COA1: variants seen among roughly 807,000 people sequenced by gnomAD.
The protein encoded by COA1 is cytochrome c oxidase assembly factor 1, also known as cytochrome c oxidase assembly factor 1 homolog.
A neutral mutation model predicts 16.0 loss-of-function variants in COA1; 13 were observed. That is an observed-to-expected ratio of 0.81 (90% CI 0.53 to 1.29). The LOEUF (loss-of-function observed/expected upper bound fraction) is 1.29, where lower values mean the gene tolerates loss of function less well. Ranked by LOEUF, COA1 falls within the 50% of genes most tolerant of loss-of-function variation. COA1 has a pLI of 0.00. For missense variants in COA1, 179 were observed against 177.0 expected (o/e 1.01, Z -0.06); for synonymous variants, 65 against 65.7 (o/e 0.99, Z 0.05).
At chr7:43,706,308 C>A (rs1283323617) in intron 1 of COA1, among the ~76,000 whole-genome samples, 1 of 151,536 alleles carries the variant, frequency 6.6e-6, no homozygotes, top group Non-Finnish European at 1.5e-5. Context: ...GAGGCTGAGG[C>A]AGGCAGATCA....
At chr7:43,646,574 G>A in intron 3 of COA1, 1 of 456,732 alleles carries the variant, frequency 2.2e-6, no homozygotes. Context: ...CACCGACTTA[G>A]CAGCCTCCTA....
At chr7:43,711,014 T>G (rs971474060) in intron 1 of COA1, among the ~76,000 whole-genome samples, 30 of 109,680 alleles carry the variant, frequency 2.7e-4, no homozygotes, top group Admixed American at 1.0e-3. Flanking sequence ...TGTTGATGGT[T>G]TTTTTTTTTC....
chr7:43,707,864 A>G (rs1043895573), intron 1 of COA1, among the ~76,000 whole-genome samples: 2 of 152,210 alleles, frequency 1.3e-5, no homozygotes, highest in East Asian at 3.8e-4. Flanking sequence ...CATGCCCACC[A>G]TTTCTGTGGA....
intron 1 of COA1, among the ~76,000 whole-genome samples, chr7:43,697,615 A>G (rs2094572748): frequency 6.6e-6 from 1 of 152,216 alleles, no homozygotes. Context: ...TTCTTTCCAA[A>G]CTTCATAAAT....
At chr7:43,677,702 G>T (rs2093595620) in intron 1 of COA1, among the ~76,000 whole-genome samples, 2 of 151,116 alleles carry the variant, frequency 1.3e-5, no homozygotes, top group South Asian at 4.2e-4. Context: ...AGGAGGCTGA[G>T]GCAAGAGAAT....
chr7:43,627,967 G>C (rs2084755525), intron 6 of COA1, among the ~76,000 whole-genome samples: 1 of 151,978 alleles, frequency 6.6e-6, no homozygotes, highest in African/African-American at 2.4e-5. Flanking sequence ...TCAGCAGTTT[G>C]TTGCTTTTTC....
chr7:43,659,347 G>A (rs2092187537), intron 1 of COA1, among the ~76,000 whole-genome samples: 1 of 152,222 alleles, frequency 6.6e-6, no homozygotes, highest in African/African-American at 2.4e-5. Context: ...TAATGATAAA[G>A]AGTCTTGATG....
intron 1 of COA1, among the ~76,000 whole-genome samples, chr7:43,673,337 T>C (rs972969930): frequency 6.6e-6 from 1 of 152,096 alleles, no homozygotes; most frequent in African/African-American, 2.4e-5. Context: ...GCAAAGGACA[T>C]GAACAGACAC....
intron 1 of COA1, among the ~76,000 whole-genome samples, chr7:43,662,466 G>A (rs868753412): frequency 4.6e-5 from 7 of 152,232 alleles, no homozygotes; most frequent in Admixed American, 2.0e-4. Context: ...TCCTGACCTC[G>A]TGATCCATCC....
At position 43,616,724 on chromosome 7, in the gene COA1, C is replaced by T. The variant is rs1352611083; in HGVS notation, c.*134-7229G>A. On this transcript the variant is annotated intron_variant and NMD_transcript_variant, in intron 6 of 6. Coordinates refer to the COA1 transcript ENST00000415076. Reference sequence around the variant, plus strand: ...CATCCTGGCTAACACGGTGAAACCCCGTCTCTACTAAAAATACAAAAAATT... The same window carrying T: ...CATCCTGGCTAACACGGTGAAACCCTGTCTCTACTAAAAATACAAAAAATT... Among the ~76,000 whole-genome samples the T allele has an allele frequency of 6.6e-5, 10 of 152,160 alleles. 1 individual carries two copies. Among genetic ancestry groups the T allele is most frequent in the Middle Eastern group, 3.4e-3 (1 of 294 alleles).
chr7:43,648,723 A>C, intron 1 of COA1, 71 bp from the exon 2 acceptor site: 1 of 1,062,568 alleles, frequency 9.4e-7, no homozygotes, highest in Non-Finnish European at 1.4e-6. Context: ...TCATACAGCC[A>C]AGATTTATTA....
Position 43,644,758 on chromosome 7 carries a change from A to AGG in COA1, c.264+492_264+493insCC, listed in dbSNP as rs2088492650. Among the ~76,000 whole-genome samples, 3 of 109,258 alleles carry AGG rather than the reference A, an allele frequency of 2.7e-5. No homozygotes were observed. The Admixed American group carries it at 3.0e-4, about 11-fold the overall frequency. 71.7% of individuals were successfully genotyped at this position (109,258 alleles called of 152,430 possible). ...GATAGATAGATAGATAGATAGATAG[A>AGG]TAGGCAGGCAGGCAGGCAGGCAGGC... On this transcript the variant is annotated intron_variant, in intron 4 of 5. Coordinates refer to ENST00000223336, the MANE Select transcript of COA1 (RefSeq NM_018224.4).
chr7:43,628,609 A>T (rs906126971), intron 6 of COA1, among the ~76,000 whole-genome samples: 1 of 152,166 alleles, frequency 6.6e-6, no homozygotes, highest in African/African-American at 2.4e-5. Flanking sequence ...CCTTGCCGAC[A>T]ATTGGTATTG....
At chr7:43,634,407 G>A (rs557845793), downstream of COA1, among the ~76,000 whole-genome samples, 1 of 152,348 alleles carries the variant, frequency 6.6e-6, no homozygotes, top group Admixed American at 6.5e-5. Flanking sequence ...TTTGAATACA[G>A]GCAGGGGGAG....
At chr7:43,637,003 T>C (rs1460119215), downstream of COA1, among the ~76,000 whole-genome samples, 1 of 152,236 alleles carries the variant, frequency 6.6e-6, no homozygotes, top group Non-Finnish European at 1.5e-5. Flanking sequence ...CTGTCCAAAC[T>C]GGGCTTCTGA....
At chr7:43,633,042 C>T (rs750023738) in intron 6 of COA1, 2 of 152,146 alleles carry the variant, frequency 1.3e-5, no homozygotes, top group Non-Finnish European at 2.9e-5. Flanking sequence ...CTGCACTAGC[C>T]CCTGACAAGA....
intron 6 of COA1, chr7:43,623,678 A>T (rs1252139848): frequency 5.6e-6 from 9 of 1,602,618 alleles, no homozygotes; most frequent in Non-Finnish European, 7.7e-6. Context: ...GTATGGTACT[A>T]AATTTTTCTT....
intron 1 of COA1, among the ~76,000 whole-genome samples, chr7:43,697,132 C>CA (rs1356597716): frequency 2.0e-5 from 3 of 150,150 alleles, no homozygotes; most frequent in Admixed American, 2.0e-4. Context: ...AAACAAAAAA[C>CA]AAAAAACAAA....
At chr7:43,691,260 G>GAAAGAAAAGA (rs774114457) in intron 1 of COA1, among the ~76,000 whole-genome samples, 17 of 33,370 alleles carry the variant, frequency 5.1e-4, no homozygotes, top group African/African-American at 1.7e-3. Context: ...AAAAAAGAAA[G>GAAAGAAAAGA]AAAGAAAAGA....
Sources: gnomAD v4.1 joint callset for allele counts (sites outside exome capture counted in the v4.1 genomes callset) on GRCh38, gnomAD v4.1.1 for gene constraint, MANE v1.5 for transcripts, NCBI Gene and HGNC (gene_info 2026-07-23, HGNC 2026-07-21) for gene names.